Variants in ARHGAP12 observed in about 807,000 individuals in gnomAD.
ARHGAP12 encodes the protein rho GTPase-activating protein 12.
ARHGAP12 carries 64 observed loss-of-function variants against 108.6 expected under a neutral mutation model. That is an observed-to-expected ratio of 0.59 (90% confidence interval 0.48 to 0.73). The LOEUF is 0.73. ARHGAP12 is among the 30% of genes least tolerant of loss of function. The pLI, the probability that ARHGAP12 is intolerant of heterozygous loss-of-function variation, is 0.00. For synonymous variants in ARHGAP12, 312 were observed against 337.2 expected, an observed-to-expected ratio of 0.93 and a Z score of 0.82; for missense variants, 940 against 1,005.9, an observed-to-expected ratio of 0.93 and a Z score of 0.89.
chr10:31,904,811 G>A (rs796435528), intron 3 of ARHGAP12, among the ~76,000 whole-genome samples: 6 of 152,086 alleles, frequency 3.9e-5, no homozygotes, highest in African/African-American at 1.4e-4. Context: ...ATTTTTTGTG[G>A]AGATGGAGTT....
chr10:31,903,732 T>C (rs776174855), intron 3 of ARHGAP12, among the ~76,000 whole-genome samples: 1 of 148,928 alleles, frequency 6.7e-6, no homozygotes, highest in East Asian at 2.0e-4. Context: ...ATCTAAACTA[T>C]GTAAAAAAAA....
At position 31,852,450 on chromosome 10, in the gene ARHGAP12, G is replaced by C. The variant is rs183093614; in HGVS notation, c.1170+67C>G. ...ATAAAGATCTTAAAATAAATCTGCT[G>C]AAACCATCTCCAGATATTACTTCAT... On this transcript the variant is annotated intron_variant, in intron 6 of 19. Coordinates refer to ENST00000344936, the MANE Select transcript of ARHGAP12 (RefSeq NM_018287.7). 4 of 1,222,624 alleles carry C rather than the reference G, an allele frequency of 3.3e-6. No homozygotes were observed. The Admixed American group carries it at 7.1e-5, about 22-fold the overall frequency. The allele number at this position is 1,222,624 out of a possible 1,614,324, so 75.7% of individuals were successfully genotyped here.
At position 31,807,638 on chromosome 10, in the gene ARHGAP12, C is replaced by T. The variant is rs765920414; in HGVS notation, c.*20G>A. The stretch of plus-strand genomic sequence containing the variant: ...CTGATGGAATCCAGCTTCTATTCCA[C>T]AGGTTGTCTTCAGTAAGAATCAACG... On this transcript the variant is annotated 3_prime_UTR_variant, in exon 20 of 20. Coordinates refer to ENST00000344936, the MANE Select transcript of ARHGAP12 (RefSeq NM_018287.7). 6.3e-7 allele frequency: 1 copy of T among 1,576,656 alleles called. No individual in the cohort carries two copies.
At chr10:31,847,255 T>G (rs186540439) in intron 6 of ARHGAP12, among the ~76,000 whole-genome samples, 4 of 152,308 alleles carry the variant, frequency 2.6e-5, no homozygotes, top group Admixed American at 2.0e-4. Flanking sequence ...AGTTCAGATT[T>G]TCCTGGTTCT....
intron 1 of ARHGAP12, among the ~76,000 whole-genome samples, chr10:31,915,310 C>T (rs1415378116): frequency 1.3e-5 from 2 of 150,910 alleles, no homozygotes; most frequent in African/African-American, 4.9e-5. Context: ...TGCTTGAACC[C>T]GGGAGGCGGA....
intron 3 of ARHGAP12, among the ~76,000 whole-genome samples, chr10:31,896,435 T>C (rs896660423): frequency 6.6e-6 from 1 of 152,076 alleles, no homozygotes; most frequent in Non-Finnish European, 1.5e-5. Context: ...TCTGGCCTTC[T>C]TCCTAAATGT....
At chr10:31,874,300 A>G (rs1837645770) in intron 3 of ARHGAP12, among the ~76,000 whole-genome samples, 1 of 152,178 alleles carries the variant, frequency 6.6e-6, no homozygotes. Flanking sequence ...TTCAGAAGAC[A>G]AAAAATTTTG....
At chr10:31,921,753 G>A (rs1335706851) in intron 1 of ARHGAP12, among the ~76,000 whole-genome samples, 2 of 108,398 alleles carry the variant, frequency 1.8e-5, no homozygotes, top group Admixed American at 2.4e-4. Context: ...GACAGAGCAA[G>A]GCTCCATCTC....
chr10:31,846,426 T>C (rs563448663), intron 6 of ARHGAP12, among the ~76,000 whole-genome samples: 49 of 152,338 alleles, frequency 3.2e-4, no homozygotes, highest in African/African-American at 1.1e-3. Flanking sequence ...TCTCTTAGTT[T>C]AGTTTCATTC....
chr10:31,877,508 C>T (rs1292901467), intron 3 of ARHGAP12, among the ~76,000 whole-genome samples: 1 of 152,194 alleles, frequency 6.6e-6, no homozygotes, highest in Non-Finnish European at 1.5e-5. Context: ...GTATAAAGAA[C>T]AGCTGGCTAG....
chr10:31,826,693 ATTTAT>A (rs1835624515), intron 10 of ARHGAP12: 1 of 238,866 alleles, frequency 4.2e-6, no homozygotes, highest in Non-Finnish European at 8.0e-6. Context: ...AAAGACACTA[ATTTAT>A]TTTAAAGTCA....
intron 11 of ARHGAP12, among the ~76,000 whole-genome samples, chr10:31,824,955 C>T (rs1835550928): frequency 6.6e-6 from 1 of 152,214 alleles, no homozygotes; most frequent in African/African-American, 2.4e-5. Context: ...TCTAGAAATG[C>T]ATTAACACAA....
chr10:31,831,665 A>G, intron 10 of ARHGAP12, 74 bp downstream of exon 10: 1 of 1,024,306 alleles, frequency 9.8e-7, no homozygotes, highest in Non-Finnish European at 1.4e-6. Context: ...TGTTTATACT[A>G]AAATAATTAT....
In ARHGAP12 at chr10:31,806,602, G is replaced by A. The variant is rs1238650092; in HGVS notation, c.*1056C>T. 6.6e-6 allele frequency: 1 copy of A among 152,488 alleles called. No homozygotes were observed. Among genetic ancestry groups the A allele is most frequent in the African/African-American group, 2.4e-5 (1 of 41,408 alleles). 9.4% of individuals were successfully genotyped at this position (152,488 alleles called of 1,614,324 possible). On this transcript the variant is annotated 3_prime_UTR_variant, in exon 20 of 20. Coordinates refer to ENST00000344936, the MANE Select transcript of ARHGAP12 (RefSeq NM_018287.7). ...TCTGTACATATTAAATAACCCAAAA[G>A]GTTCCTCTTGTAGTGCATGTGCCAT...
At chr10:31,874,601 C>T (rs1037487740) in intron 3 of ARHGAP12, among the ~76,000 whole-genome samples, 1 of 152,052 alleles carries the variant, frequency 6.6e-6, no homozygotes, top group Non-Finnish European at 1.5e-5. Flanking sequence ...GCAAGAAATA[C>T]CTAAGCCCTG....
At position 31,861,558 on chromosome 10, in the gene ARHGAP12, C is replaced by A; in HGVS notation, c.785G>T (p.Ser262Ile). The A allele has an allele frequency of 6.2e-7, 1 of 1,614,166 alleles. No individual in the cohort carries two copies. Among genetic ancestry groups the A allele is most frequent in the Middle Eastern group, 1.6e-4 (1 of 6,062 alleles). Reference sequence around the variant, plus strand: ...TTCTCCATTAATCTGAATTGCCGGGCTCCCAGGAAGTGGGGGAAGAGCAGA... The same window carrying A: ...TTCTCCATTAATCTGAATTGCCGGGATCCCAGGAAGTGGGGGAAGAGCAGA... ...SQSALPPLPG[S>I]PAIQINGEWE... The change falls in exon 4 of 20, where the codon AGC (serine) becomes ATC (isoleucine). Residue 262 changes from serine (S) to isoleucine (I), a missense_variant. Physicochemically the swap from Ser to Ile is moderately radical, Grantham distance 142 (BLOSUM62 -2). Coordinates refer to ENST00000344936, the MANE Select transcript of ARHGAP12 (RefSeq NM_018287.7).
chr10:31,819,511 C>T (rs1564369243), intron 12 of ARHGAP12, among the ~76,000 whole-genome samples: 1 of 152,184 alleles, frequency 6.6e-6, no homozygotes, highest in Non-Finnish European at 1.5e-5. Flanking sequence ...GAATACTTGG[C>T]TAGTCTCCTG....
chr10:31,886,790 G>A (rs558317736), intron 3 of ARHGAP12, among the ~76,000 whole-genome samples: 1 of 152,160 alleles, frequency 6.6e-6, no homozygotes, highest in South Asian at 2.1e-4. Flanking sequence ...CTCACAAAAG[G>A]ACTGACACAA....
intron 12 of ARHGAP12, among the ~76,000 whole-genome samples, chr10:31,818,969 C>T (rs11008660): frequency 0.051 from 7,684 of 151,994 alleles, 649 homozygotes; most frequent in African/African-American, 0.17. Flanking sequence ...AGCCAGTTTA[C>T]CAATATTGAA....
Sources: allele counts gnomAD v4.1 joint callset (sites outside exome capture counted in the v4.1 genomes callset), GRCh38; gene constraint gnomAD v4.1.1; transcripts MANE v1.5; gene names NCBI Gene and HGNC (gene_info 2026-07-23, HGNC 2026-07-21).